CDH9: variants seen among roughly 807,000 people sequenced by gnomAD.
CDH9 encodes cadherin-9.
In CDH9, 28 loss-of-function variants were observed where a neutral mutation model predicts 70.9. The observed-to-expected ratio is 0.40, with a 90% CI of 0.29 to 0.54. The LOEUF (loss-of-function observed/expected upper bound fraction) is 0.54. CDH9 is among the 20% of genes least tolerant of loss of function. The probability of loss-of-function intolerance (pLI) is 0.59; values close to 1 mark genes in which losing one functional copy is unlikely to be tolerated. For synonymous variants in CDH9, 409 were observed against 343.1 expected (o/e 1.19, Z -2.12); for missense variants, 874 against 984.4 (o/e 0.89, Z 1.50).
chr5:27,031,663 A>C lies in CDH9; in HGVS notation c.-50+6800T>G, dbSNP rs536606262. Among the ~76,000 whole-genome samples the C allele has an allele frequency of 3.3e-5, 5 of 152,042 alleles. No individual in the cohort carries two copies. In the South Asian group the frequency reaches 8.3e-4, roughly 25 times the overall value. ...AAGGGTTGCAGTGATCCCAAAGCCA[A>C]TGCTTTATCTGTCAACTAGCAAACT... On this transcript the variant is annotated intron_variant, in intron 1 of 11. Coordinates refer to ENST00000231021, the MANE Select transcript of CDH9 (RefSeq NM_016279.4).
chr5:26,927,147 A>G (rs1309937506), intron 2 of CDH9, among the ~76,000 whole-genome samples: 1 of 152,056 alleles, frequency 6.6e-6, no homozygotes. Flanking sequence ...GAATAAAGGG[A>G]AAACCATGTG....
At chr5:26,978,230 T>C in intron 2 of CDH9, among the ~76,000 whole-genome samples, 2 of 152,028 alleles carry the variant, frequency 1.3e-5, no homozygotes, top group Middle Eastern at 6.8e-3. Flanking sequence ...TGATATTGAA[T>C]TTAGTGGGAC....
chr5:26,986,097 A>G (rs1042802182), intron 2 of CDH9, among the ~76,000 whole-genome samples: 4 of 152,096 alleles, frequency 2.6e-5, no homozygotes, highest in Non-Finnish European at 4.4e-5. Flanking sequence ...TTTAAAAAGT[A>G]GTATAAGTAT....
chr5:26,916,698 G>A (rs2112006559), intron 2 of CDH9, among the ~76,000 whole-genome samples: 1 of 152,016 alleles, frequency 6.6e-6, no homozygotes, highest in Admixed American at 6.5e-5. Context: ...ATGATTAAGG[G>A]GGAACTACTG....
At chr5:26,937,981 T>C (rs191756793) in intron 2 of CDH9, among the ~76,000 whole-genome samples, 18 of 152,214 alleles carry the variant, frequency 1.2e-4, no homozygotes, top group Admixed American at 8.5e-4. Flanking sequence ...CTATGCACTT[T>C]AGTTAATAAT....
At chr5:27,012,306 A>G (rs1339789012) in intron 1 of CDH9, among the ~76,000 whole-genome samples, 1 of 151,846 alleles carries the variant, frequency 6.6e-6, no homozygotes, top group African/African-American at 2.4e-5. Flanking sequence ...AATATTTTCA[A>G]TCTACCATTG....
intron 3 of CDH9, among the ~76,000 whole-genome samples, chr5:26,913,685 A>T (rs1233829441): frequency 1.3e-5 from 2 of 152,056 alleles, no homozygotes; most frequent in African/African-American, 4.8e-5. Flanking sequence ...TTTCATGCAT[A>T]AACTTATATA....
At chr5:26,930,625 C>T (rs57682973) in intron 2 of CDH9, among the ~76,000 whole-genome samples, 1 of 152,004 alleles carries the variant, frequency 6.6e-6, no homozygotes, top group African/African-American at 2.4e-5. Flanking sequence ...TTACTAACAT[C>T]ATGGTGGTAG....
At chr5:26,976,591 C>G (rs760149708) in intron 2 of CDH9, among the ~76,000 whole-genome samples, 12 of 152,070 alleles carry the variant, frequency 7.9e-5, no homozygotes, top group Non-Finnish European at 1.8e-4. Context: ...GCGCAGGACA[C>G]CACACCAGGC....
At chr5:27,031,923 C>T (rs1743317694) in intron 1 of CDH9, among the ~76,000 whole-genome samples, 1 of 151,794 alleles carries the variant, frequency 6.6e-6, no homozygotes, top group Admixed American at 6.6e-5. Context: ...GAACAATTCT[C>T]TTCTTAATTT....
At chr5:26,953,847 C>G (rs1031190544) in intron 2 of CDH9, among the ~76,000 whole-genome samples, 3 of 152,120 alleles carry the variant, frequency 2.0e-5, no homozygotes, top group African/African-American at 7.2e-5. Flanking sequence ...CCATGTTCCA[C>G]AAAACAACCA....
At position 27,030,473 on chromosome 5, in the gene CDH9, G is replaced by A. The variant is rs779437212; in HGVS notation, c.-50+7990C>T. Among the ~76,000 whole-genome samples, 6 of 150,986 alleles carry A rather than the reference G, an allele frequency of 4.0e-5. No individual in the cohort carries two copies. In the East Asian group the frequency reaches 7.8e-4, roughly 20 times the overall value. ...AGTGGGGTAGGGAATAATGAACCAG[G>A]GAAAGCAGAAAAGCAGGGGGGATGG... is the stretch of plus-strand genomic sequence containing the variant. On this transcript the variant is annotated intron_variant, in intron 1 of 11. Coordinates refer to ENST00000231021, the MANE Select transcript of CDH9 (RefSeq NM_016279.4).
chr5:27,021,506 C>T (rs1743138039), intron 1 of CDH9, among the ~76,000 whole-genome samples: 1 of 151,860 alleles, frequency 6.6e-6, no homozygotes, highest in Non-Finnish European at 1.5e-5. Context: ...TTTCCCTACA[C>T]TTATACAAGT....
chr5:26,954,032 G>A (rs557785375), intron 2 of CDH9, among the ~76,000 whole-genome samples: 23 of 152,208 alleles, frequency 1.5e-4, no homozygotes, highest in African/African-American at 5.3e-4. Flanking sequence ...AAACTTACAT[G>A]AGTTTGGCTA....
chr5:26,959,713 C>T (rs1425594919), intron 2 of CDH9, among the ~76,000 whole-genome samples: 2 of 151,900 alleles, frequency 1.3e-5, no homozygotes, highest in Non-Finnish European at 2.9e-5. Context: ...GTTGATAAAC[C>T]TCAAAAACGT....
intron 7 of CDH9, among the ~76,000 whole-genome samples, chr5:26,899,916 G>A (rs1740825527): frequency 1.3e-5 from 2 of 150,852 alleles, no homozygotes; most frequent in East Asian, 1.9e-4. Flanking sequence ...AAAACCAGAA[G>A]TTAGTTTTTT....
chr5:26,981,313 C>A (rs553530883), intron 2 of CDH9, among the ~76,000 whole-genome samples: 1 of 152,028 alleles, frequency 6.6e-6, no homozygotes, highest in Non-Finnish European at 1.5e-5. Flanking sequence ...TTAACCGATG[C>A]ACATCATTCT....
intron 2 of CDH9, among the ~76,000 whole-genome samples, chr5:26,944,859 CTCT>C (rs1472981377): frequency 2.0e-5 from 3 of 152,044 alleles, no homozygotes. Flanking sequence ...ATCTTACTTT[CTCT>C]TCTTAACTTA....
At position 26,902,723 on chromosome 5, in the gene CDH9, C is replaced by T. The variant is rs116872912; in HGVS notation, c.1006G>A (p.Asp336Asn). The T allele has an allele frequency of 7.1e-4, 1,097 of 1,543,360 alleles. 15 individuals are homozygous for T. The East Asian group carries it at 0.02, about 28-fold the overall frequency. Residue 336 changes from aspartate (D) to asparagine (N), a missense_variant, in exon 7 of 12, where the codon GAT becomes AAT. Transcript: ENST00000231021. ...EGIITVKQNL[D>N]FENQMLYTLR... ...GTATAGAGCATTTGATTTTCAAAAT[C>T]TAAATTCTGGAGTTAAATAACATAA...
Sources: allele counts gnomAD v4.1 joint callset (sites outside exome capture counted in the v4.1 genomes callset), GRCh38; gene constraint gnomAD v4.1.1; transcripts MANE v1.5; gene names NCBI Gene and HGNC (gene_info 2026-07-23, HGNC 2026-07-21).